SIN3A: variants seen among roughly 807,000 people sequenced by gnomAD.
SIN3A encodes the protein SIN3 transcription regulator family member A, also known as paired amphipathic helix protein Sin3a.
A neutral mutation model predicts 146.1 loss-of-function variants in SIN3A; 14 were observed. The observed-to-expected ratio is 0.10, with a 90% CI of 0.06 to 0.15. The LOEUF (loss-of-function observed/expected upper bound fraction) is 0.15, where lower values mean the gene tolerates loss of function less well. Among genes scored for constraint, SIN3A ranks in the 10% least tolerant of loss-of-function variants. The pLI is 1.00. For missense variants in SIN3A, 1,028 were observed against 1,576.0 expected, an observed-to-expected ratio of 0.65 and a Z score of 5.89; for synonymous variants, 572 against 572.0, an observed-to-expected ratio of 1.00 and a Z score of 0.00.
chr15:75,416,919 C>T (rs2073748159), intron 3 of SIN3A, among the ~76,000 whole-genome samples: 1 of 152,156 alleles, frequency 6.6e-6, no homozygotes, highest in African/African-American at 2.4e-5. Context: ...TCCTGAAAGT[C>T]AGGGTTGGCT....
intron 4 of SIN3A, 83 bp downstream of exon 4, chr15:75,414,122 C>A (rs2073692299): frequency 5.0e-6 from 3 of 601,952 alleles, no homozygotes; most frequent in East Asian, 3.3e-5. Context: ...CATCCTTTAT[C>A]TTCCAGTAAA....
At position 75,413,042 on chromosome 15, in the gene SIN3A, G is replaced by A. The variant is rs1309672973; in HGVS notation, c.477C>T (p.Ile159=). ...DIMKEFKSQS[I]DTPGVISRVS... ...CACGACTAATCACTCCTGGGGTGTC[G>A]ATGCTGATAAAAAACAAAAAGAAAA... The change falls in exon 5 of 21, where the codon ATC becomes ATT. Residue 159 remains isoleucine, a synonymous_variant. Coordinates refer to ENST00000394947, the MANE Select transcript of SIN3A (RefSeq NM_001145358.2). 3.1e-6 allele frequency: 5 copies of A among 1,590,784 alleles called. No individual in the cohort carries two copies. The highest frequency in any genetic ancestry group is 1.9e-5 in the Admixed American group (1 of 53,286).
intron 9 of SIN3A, among the ~76,000 whole-genome samples, chr15:75,405,851 A>C (rs1462187901): frequency 6.6e-6 from 1 of 152,212 alleles, no homozygotes; most frequent in African/African-American, 2.4e-5. Context: ...TTAATTTATA[A>C]TAGCTTCCCT....
At chr15:75,400,984 T>C in intron 10 of SIN3A, 44 bp from the exon 11 acceptor site, 1 of 1,407,636 alleles carries the variant, frequency 7.1e-7, no homozygotes, top group African/African-American at 1.4e-5. Context: ...AGGGGCAGGA[T>C]GCAGTTATCC....
intron 19 of SIN3A, among the ~76,000 whole-genome samples, chr15:75,379,190 G>A (rs921323008): frequency 2.6e-5 from 4 of 152,084 alleles, no homozygotes; most frequent in African/African-American, 7.2e-5. Flanking sequence ...GAGCCACTGC[G>A]CCCAGCCCAA....
At chr15:75,418,080 G>C (rs1009597440) in intron 3 of SIN3A, among the ~76,000 whole-genome samples, 1 of 151,982 alleles carries the variant, frequency 6.6e-6, no homozygotes, top group African/African-American at 2.4e-5. Context: ...CTCCCAGGCT[G>C]GAGTGCAAAG....
intron 8 of SIN3A, among the ~76,000 whole-genome samples, chr15:75,408,517 T>G (rs1051962147): frequency 2.0e-4 from 31 of 152,352 alleles, no homozygotes; most frequent in African/African-American, 7.5e-4. Context: ...TATTACATAC[T>G]GCTTTGAAAT....
At chr15:75,373,842 G>A (rs1166272342) in intron 20 of SIN3A, among the ~76,000 whole-genome samples, 1 of 151,998 alleles carries the variant, frequency 6.6e-6, no homozygotes, top group Non-Finnish European at 1.5e-5. Context: ...AAGCCTTCCA[G>A]TCAGTAGTAG....
intron 20 of SIN3A, among the ~76,000 whole-genome samples, chr15:75,372,486 A>T (rs2072771011): frequency 6.6e-6 from 1 of 152,144 alleles, no homozygotes; most frequent in African/African-American, 2.4e-5. Flanking sequence ...GCTGTTCTCA[A>T]TTTTAGCATG....
intron 1 of SIN3A, among the ~76,000 whole-genome samples, chr15:75,448,850 A>G (rs1383296144): frequency 6.6e-6 from 1 of 152,344 alleles, no homozygotes; most frequent in East Asian, 1.9e-4. Flanking sequence ...GAATCTTGTC[A>G]AATTACTACA....
At chr15:75,378,497 G>A (rs893985351) in intron 19 of SIN3A, among the ~76,000 whole-genome samples, 2 of 152,192 alleles carry the variant, frequency 1.3e-5, no homozygotes, top group Non-Finnish European at 2.9e-5. Flanking sequence ...CTGGGAGGCA[G>A]GGGTTGCAGT....
intron 14 of SIN3A, among the ~76,000 whole-genome samples, chr15:75,393,444 T>C (rs931534123): frequency 6.6e-6 from 1 of 152,118 alleles, no homozygotes; most frequent in Non-Finnish European, 1.5e-5. Context: ...TGGAGCAATC[T>C]TGGCTCATTG....
chr15:75,393,304 G>A (rs1309201481), intron 14 of SIN3A, among the ~76,000 whole-genome samples: 1 of 152,160 alleles, frequency 6.6e-6, no homozygotes, highest in Non-Finnish European at 1.5e-5. Flanking sequence ...TGACAGAGAC[G>A]TGGTTTGATG....
At chr15:75,442,357 G>A (rs2074231423) in intron 1 of SIN3A, among the ~76,000 whole-genome samples, 1 of 148,866 alleles carries the variant, frequency 6.7e-6, no homozygotes, top group South Asian at 2.2e-4. Context: ...CTTAAAAATA[G>A]AAATGGGGTC....
At chr15:75,436,429 C>G (rs941100962) in intron 1 of SIN3A, 9 of 152,126 alleles carry the variant, frequency 5.9e-5, no homozygotes, top group African/African-American at 2.2e-4. Flanking sequence ...TGAGATCTCG[C>G]TACTGCACTC....
At chr15:75,430,800 G>C (rs1018245330) in intron 1 of SIN3A, among the ~76,000 whole-genome samples, 1 of 148,960 alleles carries the variant, frequency 6.7e-6, no homozygotes, top group Non-Finnish European at 1.5e-5. Flanking sequence ...TTTTTGAGAC[G>C]GAGTCTCACT....
At chr15:75,401,413 A>C (rs1444620398) in intron 10 of SIN3A, among the ~76,000 whole-genome samples, 1 of 152,126 alleles carries the variant, frequency 6.6e-6, no homozygotes, top group African/African-American at 2.4e-5. Context: ...AGGCACCTGT[A>C]ATCCCAGCTA....
intron 2 of SIN3A, among the ~76,000 whole-genome samples, chr15:75,424,968 T>C (rs1017690270): frequency 2.6e-5 from 4 of 152,196 alleles, no homozygotes; most frequent in African/African-American, 9.7e-5. Flanking sequence ...AATCCACAAG[T>C]TGAACATATT....
At chr15:75,381,573 T>A (rs1567316950) in intron 18 of SIN3A, 40 bp downstream of exon 18, 1 of 1,483,444 alleles carries the variant, frequency 6.7e-7, no homozygotes, top group Non-Finnish European at 9.4e-7. Flanking sequence ...GCACGCCAGC[T>A]CTGCTTGGCA....
Sources: gnomAD v4.1 joint callset for allele counts (sites outside exome capture counted in the v4.1 genomes callset) on GRCh38, gnomAD v4.1.1 for gene constraint, MANE v1.5 for transcripts, NCBI Gene and HGNC (gene_info 2026-07-23, HGNC 2026-07-21) for gene names.